The following DPYS variants were observed in gnomAD, a reference collection of about 807,000 sequenced individuals.
DPYS encodes the protein dihydropyrimidine amidohydrolase.
Under a neutral mutation model 50.3 loss-of-function variants are expected in DPYS, and 39 were observed. That is an observed-to-expected ratio of 0.78 (90% CI 0.60 to 1.01). DPYS has a LOEUF of 1.01. Ranked by LOEUF, DPYS falls within the 50% of genes least tolerant of loss-of-function variation. The probability of loss-of-function intolerance (pLI) is 0.00; values close to 1 mark genes in which losing one functional copy is unlikely to be tolerated. For missense variants in DPYS, 659 were observed against 680.9 expected, an observed-to-expected ratio of 0.97 and a Z score of 0.36; for synonymous variants, 245 against 250.7, an observed-to-expected ratio of 0.98 and a Z score of 0.22.
chr8:104,442,586 G>A (rs1319273650), intron 4 of DPYS, among the ~76,000 whole-genome samples: 2 of 152,072 alleles, frequency 1.3e-5, no homozygotes, highest in Non-Finnish European at 2.9e-5. Context: ...TTTTACATGC[G>A]AGAGTAGCAA....
chr8:104,460,685 G>C (rs1814095991), intron 1 of DPYS, among the ~76,000 whole-genome samples: 1 of 152,206 alleles, frequency 6.6e-6, no homozygotes, highest in Non-Finnish European at 1.5e-5. Flanking sequence ...ATCTAAGTCA[G>C]TGAAAGGATT....
chr8:104,391,403 TG>T (rs1459315421), intron 8 of DPYS, among the ~76,000 whole-genome samples: 2 of 152,232 alleles, frequency 1.3e-5, no homozygotes, highest in African/African-American at 4.8e-5. Flanking sequence ...TGAAGCCTTC[TG>T]GGTGAAAACC....
chr8:104,395,251 G>A (rs1400353566), intron 7 of DPYS, among the ~76,000 whole-genome samples: 1 of 152,160 alleles, frequency 6.6e-6, no homozygotes, highest in African/African-American at 2.4e-5. Flanking sequence ...CACCCACCTT[G>A]GCTTTCCAAA....
chr8:104,394,615 T>A (rs1159373073), intron 7 of DPYS, among the ~76,000 whole-genome samples: 1 of 151,930 alleles, frequency 6.6e-6, no homozygotes, highest in Admixed American at 6.6e-5. Flanking sequence ...CTTACCCTCC[T>A]GCATTCCTTA....
At chr8:104,449,274 T>C (rs1813647133) in intron 2 of DPYS, among the ~76,000 whole-genome samples, 3 of 152,218 alleles carry the variant, frequency 2.0e-5, no homozygotes, top group Admixed American at 6.5e-5. Flanking sequence ...CATAATGGGC[T>C]TCCAAAGGGG....
chr8:104,392,515 C>A (rs1296795566), intron 8 of DPYS, among the ~76,000 whole-genome samples: 1 of 152,170 alleles, frequency 6.6e-6, no homozygotes, highest in East Asian at 1.9e-4. Flanking sequence ...CCCTGACTAA[C>A]ACAATTGCCA....
intron 7 of DPYS, among the ~76,000 whole-genome samples, chr8:104,405,764 G>C (rs1304061806): frequency 6.6e-6 from 1 of 152,226 alleles, no homozygotes; most frequent in Non-Finnish European, 1.5e-5. Context: ...AAAAGCTGCA[G>C]AACTGCAGAC....
At chr8:104,446,450 T>A (rs1813534160) in intron 3 of DPYS, among the ~76,000 whole-genome samples, 1 of 152,222 alleles carries the variant, frequency 6.6e-6, no homozygotes, top group Non-Finnish European at 1.5e-5. Flanking sequence ...TCCTCTTCAC[T>A]TGCTCCCCAA....
intron 8 of DPYS, among the ~76,000 whole-genome samples, chr8:104,389,898 G>A (rs574866237): frequency 4.1e-4 from 62 of 152,156 alleles, no homozygotes; most frequent in Admixed American, 1.8e-3. Flanking sequence ...TCACAGAATT[G>A]ATAGTGAACT....
chr8:104,457,265 C>T (rs1409675013), intron 1 of DPYS, among the ~76,000 whole-genome samples: 1 of 152,208 alleles, frequency 6.6e-6, no homozygotes, highest in Non-Finnish European at 1.5e-5. Context: ...TACTAAGTGA[C>T]TGACGGGCAG....
intron 8 of DPYS, among the ~76,000 whole-genome samples, chr8:104,391,303 C>T (rs1205001595): frequency 2.6e-5 from 4 of 152,122 alleles, no homozygotes; most frequent in Admixed American, 1.3e-4. Flanking sequence ...AGGAGAGGTA[C>T]ATTTGAAAAA....
chr8:104,463,006 T>C (rs771289533), intron 1 of DPYS, among the ~76,000 whole-genome samples: 18 of 152,234 alleles, frequency 1.2e-4, no homozygotes, highest in East Asian at 1.9e-4. Context: ...CTTTAGTTAA[T>C]GTATATTCAT....
intron 8 of DPYS, among the ~76,000 whole-genome samples, chr8:104,386,554 A>G (rs1402775877): frequency 1.3e-5 from 2 of 151,334 alleles, no homozygotes; most frequent in African/African-American, 4.8e-5. Flanking sequence ...AAAGAAAAAG[A>G]AAATTTAATC....
At chr8:104,432,554 A>G (rs1215648923) in intron 4 of DPYS, among the ~76,000 whole-genome samples, 3 of 152,252 alleles carry the variant, frequency 2.0e-5, no homozygotes, top group Non-Finnish European at 4.4e-5. Flanking sequence ...CCAAAAGGAT[A>G]CAGCCAAACT....
At chr8:104,386,622 T>TTTTA (rs958247754) in intron 8 of DPYS, among the ~76,000 whole-genome samples, 8 of 151,890 alleles carry the variant, frequency 5.3e-5, no homozygotes, top group South Asian at 2.1e-4. Flanking sequence ...TTTTTTTTCT[T>TTTTA]TTTATTTATT....
At chr8:104,433,147 G>C (rs550189635) in intron 4 of DPYS, among the ~76,000 whole-genome samples, 1 of 152,138 alleles carries the variant, frequency 6.6e-6, no homozygotes, top group South Asian at 2.1e-4. Flanking sequence ...CTCAGAAGGA[G>C]CCAACCCTGT....
intron 1 of DPYS, among the ~76,000 whole-genome samples, chr8:104,463,370 C>A (rs1205641610): frequency 6.6e-6 from 1 of 152,218 alleles, no homozygotes; most frequent in Non-Finnish European, 1.5e-5. Context: ...CTAAAGACGG[C>A]TCTGCTCTAT....
chr8:104,390,004 G>A (rs1006333108), intron 8 of DPYS, among the ~76,000 whole-genome samples: 3 of 152,172 alleles, frequency 2.0e-5, no homozygotes, highest in Non-Finnish European at 4.4e-5. Context: ...GATCTCTGCT[G>A]CCTCAAAACG....
intron 4 of DPYS, among the ~76,000 whole-genome samples, chr8:104,430,936 A>G (rs763890594): frequency 6.6e-6 from 1 of 151,930 alleles, no homozygotes; most frequent in African/African-American, 2.4e-5. Flanking sequence ...ACCATTAGCA[A>G]CTCTTTCTAA....
Sources: allele counts gnomAD v4.1 joint callset (sites outside exome capture counted in the v4.1 genomes callset), GRCh38; gene constraint gnomAD v4.1.1; transcripts MANE v1.5; gene names NCBI Gene and HGNC (gene_info 2026-07-23, HGNC 2026-07-21).